The following ZNF793 variants were observed in gnomAD, a reference collection of about 807,000 sequenced individuals.
ZNF793 encodes the protein zinc finger protein 793.
In ZNF793, 5 loss-of-function variants were observed where a neutral mutation model predicts 12.4. That is an observed-to-expected ratio of 0.40 (90% CI 0.21 to 0.84). The LOEUF is 0.84. Ranked by LOEUF, ZNF793 falls within the 40% of genes least tolerant of loss-of-function variation. ZNF793 has a pLI of 0.35. For missense variants in ZNF793, 456 were observed against 495.0 expected (o/e 0.92, Z 0.75); for synonymous variants, 162 against 172.4 (o/e 0.94, Z 0.47).
chr19:37,537,364 T>C lies in ZNF793; in HGVS notation c.706T>C (p.Phe236Leu). Residue 236 changes from phenylalanine (F) to leucine (L), a missense_variant, in exon 8 of 8, where the codon TTC becomes CTC. Coordinates refer to ENST00000627814, the MANE Select transcript of ZNF793 (RefSeq NM_001013659.3). ...CGTCTGTAGTGAGTGTGGGAAAGCC[T>C]TCTGCTACAAGTCTGAATTCATTAG... ...PHVCSECGKA[F>L]CYKSEFIRHQ... 6.2e-7 allele frequency: 1 copy of C among 1,613,084 alleles called. No individual in the cohort carries two copies. The highest frequency in any genetic ancestry group is 8.5e-7 in the Non-Finnish European group (1 of 1,179,442).
chr19:37,528,937 GC>G (rs2042436649), intron 5 of ZNF793, among the ~76,000 whole-genome samples: 2 of 151,976 alleles, frequency 1.3e-5, no homozygotes, highest in Admixed American at 6.6e-5. Flanking sequence ...TCCTGATCTT[GC>G]TCCTGACACA....
rs2147081962 is a variant in ZNF793 at position 37,523,424 on chromosome 19, T to C, written c.-16T>C. 6.2e-7 allele frequency: 1 copy of C among 1,613,534 alleles called. No individual in the cohort carries two copies. Among genetic ancestry groups the C allele is most frequent in the Non-Finnish European group, 8.5e-7 (1 of 1,179,472 alleles). The stretch of plus-strand genomic sequence containing the variant: ...CATGTCTACAGGTGTCAGATCTTTT[T>C]CAAGAACAGCAGAAAATGATCGAAT... On this transcript the variant is annotated 5_prime_UTR_variant, in exon 5 of 8. Transcript: ENST00000627814.
rs1600427393 is a variant in ZNF793 at position 37,540,248 on chromosome 19, C to T, written c.*2369C>T. ...AGATCGTGCCATCCAGCCTGGGTGA[C>T]AAGAGCGAAACTCCGTCAAAAAAAA... On this transcript the variant is annotated 3_prime_UTR_variant, in exon 8 of 8. Coordinates refer to ENST00000627814, the MANE Select transcript of ZNF793 (RefSeq NM_001013659.3). The T allele has an allele frequency of 1.2e-5, 1 of 80,246 alleles. No individual in the cohort carries two copies. The highest frequency in any genetic ancestry group is 2.2e-5 in the Non-Finnish European group (1 of 45,332). 5.0% of individuals were successfully genotyped at this position (80,246 alleles called of 1,614,324 possible).
chr19:37,521,480 G>C (rs558167763), intron 3 of ZNF793, among the ~76,000 whole-genome samples: 137 of 136,394 alleles, frequency 1.0e-3, no homozygotes, highest in African/African-American at 3.6e-3. Flanking sequence ...TTGTTGCCCA[G>C]GCTGGAGTGC....
At chr19:37,530,037 G>A (rs940791119) in intron 5 of ZNF793, among the ~76,000 whole-genome samples, 13 of 151,914 alleles carry the variant, frequency 8.6e-5, no homozygotes, top group African/African-American at 3.1e-4. Flanking sequence ...GATAATAGTG[G>A]AGAGAAGGTC....
At position 37,537,134 on chromosome 19, in the gene ZNF793, G is replaced by A. The variant is rs753293788; in HGVS notation, c.476G>A (p.Cys159Tyr). Residue 159 changes from cysteine to tyrosine, a missense_variant, in exon 8 of 8, where the codon TGT becomes TAT. Coordinates refer to ENST00000627814, the MANE Select transcript of ZNF793 (RefSeq NM_001013659.3). ...GACTTGATTGGTTTTAAGAGAAACT[G>A]TGCAAAAAAGCAAGATGAGTGTTAT... ...NLDLIGFKRN[C>Y]AKKQDECYAY... is the part of the protein sequence containing the mutation. 2.5e-6 allele frequency: 4 copies of A among 1,613,356 alleles called. No individual in the cohort carries two copies. Among genetic ancestry groups the A allele is most frequent in the Non-Finnish European group, 3.4e-6 (4 of 1,179,524 alleles).
rs1000411577 is a variant in ZNF793 at position 37,537,841 on chromosome 19, T to C, written c.1183T>C (p.Tyr395His). The change falls in exon 8 of 8, where the codon TAC becomes CAC. Residue 395 changes from tyrosine (Y) to histidine (H), a missense_variant. By Grantham distance (83) the Tyr-to-His change is moderately conservative. Transcript: ENST00000627814. ...GAAAATTCATGCTCGGAAGAATGCC[T>C]ACAGGAATGAAAACTTAATAATTGT... ...HQKIHARKNA[Y>H]RNENLIIVGN... 1.2e-5 allele frequency: 20 copies of C among 1,608,748 alleles called. No individual in the cohort carries two copies. The Middle Eastern group carries it at 8.3e-4, about 67-fold the overall frequency.
chr19:37,536,609 G>C (rs779998777), intron 7 of ZNF793: 4 of 422,462 alleles, frequency 9.5e-6, no homozygotes, highest in Non-Finnish European at 1.7e-5. Flanking sequence ...GAGACCATAT[G>C]GCCCACAAAG....
intron 5 of ZNF793, among the ~76,000 whole-genome samples, chr19:37,524,775 G>T (rs946460955): frequency 1.1e-4 from 16 of 152,220 alleles, no homozygotes; most frequent in African/African-American, 3.9e-4. Context: ...GGGGTGATTT[G>T]TAGGTGTAGC....
chr19:37,537,152 A>G lies in ZNF793; in HGVS notation c.494A>G (p.Glu165Gly), dbSNP rs754686963. 3 of 1,613,568 alleles carry G rather than the reference A, an allele frequency of 1.9e-6. No individual in the cohort carries two copies. The highest frequency in any genetic ancestry group is 2.2e-5 in the South Asian group (2 of 91,022). ...FKRNCAKKQD[E>G]CYAYGKLLQR... ...AGAAACTGTGCAAAAAAGCAAGATG[A>G]GTGTTATGCTTATGGGAAATTGCTT... The change falls in exon 8 of 8, where the codon GAG (glutamate) becomes GGG (glycine). Residue 165 changes from glutamate to glycine, a missense_variant. Transcript: ENST00000627814.
chr19:37,523,679 C>CAG (rs957142439), intron 5 of ZNF793, among the ~76,000 whole-genome samples: 21 of 152,134 alleles, frequency 1.4e-4, no homozygotes, highest in Non-Finnish European at 2.6e-4. Flanking sequence ...AATTGTTGAA[C>CAG]AGAGGCCTTA....
Position 37,540,210 on chromosome 19 carries a change from T to C in ZNF793, c.*2331T>C, listed in dbSNP as rs1276513737. 7.0e-6 allele frequency: 1 copy of C among 142,872 alleles called. No individual in the cohort carries two copies. Among genetic ancestry groups the C allele is most frequent in the Non-Finnish European group, 1.5e-5 (1 of 66,868 alleles). The allele number at this position is 142,872 out of a possible 1,614,324, so 8.9% of individuals were successfully genotyped here. A position where few individuals can be genotyped will look rare whatever the true frequency, so the allele number is the denominator to read the frequency against. ...ATTGCTTGTACCCAGGAGGTAGAGGTTGCGGTGAGCCAAGATCGTGCCATC... is the reference window on the plus strand; with the variant it reads ...ATTGCTTGTACCCAGGAGGTAGAGGCTGCGGTGAGCCAAGATCGTGCCATC... On this transcript the variant is annotated 3_prime_UTR_variant, in exon 8 of 8. Transcript: ENST00000627814.
At position 37,536,911 on chromosome 19, in the gene ZNF793, G is replaced by A; in HGVS notation, c.253G>A (p.Val85Ile). 6.2e-7 allele frequency: 1 copy of A among 1,609,138 alleles called. No individual in the cohort carries two copies. Among genetic ancestry groups the A allele is most frequent in the Non-Finnish European group, 8.5e-7 (1 of 1,178,384 alleles). ...GCHCWEDIWRVNIQRKRRQDM... is the reference protein window; with the variant it reads ...GCHCWEDIWRINIQRKRRQDM... ...ACTTTCTCCAGAAGACATCTGGCGAGTTAATATCCAGAGGAAAAGACGGCA... is the reference window on the plus strand; with the variant it reads ...ACTTTCTCCAGAAGACATCTGGCGAATTAATATCCAGAGGAAAAGACGGCA... The change falls in exon 8 of 8, where the codon GTT (valine) becomes ATT (isoleucine). Residue 85 changes from valine (V) to isoleucine (I), a missense_variant. By Grantham distance (29) the Val-to-Ile change is conservative (BLOSUM62 3). Transcript: ENST00000627814.
chr19:37,533,091 G>C (rs918154951), intron 6 of ZNF793, among the ~76,000 whole-genome samples: 1 of 152,100 alleles, frequency 6.6e-6, no homozygotes, highest in Admixed American at 6.5e-5. Flanking sequence ...TCAGCATTCT[G>C]GCAGCACAGA....
rs1044096226 is a variant in ZNF793, at chr19:37,513,025, G to T, written c.-276+4622G>T. Among the ~76,000 whole-genome samples the T allele has an allele frequency of 3.3e-5, 5 of 151,950 alleles. 1 individual carries two copies. Among genetic ancestry groups the T allele is most frequent in the Admixed American group, 3.3e-4 (5 of 15,256 alleles). On this transcript the variant is annotated intron_variant, in intron 2 of 7. Coordinates refer to ENST00000627814, the MANE Select transcript of ZNF793 (RefSeq NM_001013659.3). ...TTTCTGATTTTTCCTCATGATTAGA[G>T]TCATGTTGTACATCTCGGACAGGAA...
chr19:37,510,137 G>A (rs990970665), intron 2 of ZNF793, among the ~76,000 whole-genome samples: 1 of 151,998 alleles, frequency 6.6e-6, no homozygotes, highest in African/African-American at 2.4e-5. Context: ...GGGGTAGGAG[G>A]GTTGTTTGAG....
chr19:37,508,077 T>G (rs1269139519), intron 1 of ZNF793, among the ~76,000 whole-genome samples, 188 bp from the exon 2 acceptor site: 1 of 152,186 alleles, frequency 6.6e-6, no homozygotes, highest in Non-Finnish European at 1.5e-5. Flanking sequence ...AGCAGCCAGT[T>G]CCTCTCCACC....
chr19:37,532,100 G>A (rs998266129), intron 5 of ZNF793, among the ~76,000 whole-genome samples: 5 of 148,866 alleles, frequency 3.4e-5, no homozygotes, highest in South Asian at 2.1e-4. Flanking sequence ...TGCAACCTCC[G>A]TCTCTTAGAT....
intron 5 of ZNF793, among the ~76,000 whole-genome samples, chr19:37,525,676 C>A (rs2042410127): frequency 6.6e-6 from 1 of 151,992 alleles, no homozygotes; most frequent in Non-Finnish European, 1.5e-5. Context: ...CTGCCTCGGC[C>A]TCCCAAAGTG....
Sources: gnomAD v4.1 joint callset for allele counts (sites outside exome capture counted in the v4.1 genomes callset) on GRCh38, gnomAD v4.1.1 for gene constraint, MANE v1.5 for transcripts, NCBI Gene and HGNC (gene_info 2026-07-23, HGNC 2026-07-21) for gene names.